The following KCNH1 variants were observed in gnomAD, a reference collection of about 807,000 sequenced individuals.
KCNH1 encodes the protein voltage-gated delayed rectifier potassium channel KCNH1.
A neutral mutation model predicts 69.2 loss-of-function variants in KCNH1; 27 were observed. The ratio of observed to expected loss-of-function variants is 0.39; its 90% CI spans 0.29 to 0.54. The LOEUF (loss-of-function observed/expected upper bound fraction) is 0.54, where lower values mean the gene tolerates loss of function less well. Among genes scored for constraint, KCNH1 ranks in the 20% least tolerant of loss-of-function variants. The probability of loss-of-function intolerance (pLI) is 0.68; values close to 1 mark genes in which losing one functional copy is unlikely to be tolerated. For synonymous variants in KCNH1, 456 were observed against 487.7 expected (o/e 0.93, Z 0.86); for missense variants, 798 against 1,261.6 (o/e 0.63, Z 5.57).
At chr1:210,947,399 C>G (rs58216144) in intron 6 of KCNH1, among the ~76,000 whole-genome samples, 12,107 of 151,762 alleles carry the variant, frequency 0.08, 1,344 homozygotes, top group African/African-American at 0.25. Flanking sequence ...GAAACCCTTT[C>G]TCTACTAAAA....
intron 6 of KCNH1, among the ~76,000 whole-genome samples, chr1:210,951,907 C>G (rs971634383): frequency 5.9e-5 from 9 of 152,102 alleles, no homozygotes; most frequent in African/African-American, 2.2e-4. Context: ...CATGCAAAAG[C>G]CTTTCTTCTT....
At chr1:211,033,474 T>C (rs1009392244) in intron 5 of KCNH1, among the ~76,000 whole-genome samples, 28 of 152,344 alleles carry the variant, frequency 1.8e-4, no homozygotes, top group Admixed American at 1.7e-3. Context: ...CATATGTTTA[T>C]TGTGGCACTA....
chr1:211,104,620 AGGAGGG>A (rs1691320718), intron 2 of KCNH1, among the ~76,000 whole-genome samples: 1 of 152,152 alleles, frequency 6.6e-6, no homozygotes, highest in Non-Finnish European at 1.5e-5. Context: ...AAAATGCCAG[AGGAGGG>A]GGAAAAAAAC....
At chr1:210,946,444 C>T (rs575125986) in intron 6 of KCNH1, among the ~76,000 whole-genome samples, 1 of 152,298 alleles carries the variant, frequency 6.6e-6, no homozygotes, top group African/African-American at 2.4e-5. Flanking sequence ...GCAACAAAAA[C>T]TAGGGCGCTT....
intron 7 of KCNH1, among the ~76,000 whole-genome samples, chr1:210,904,302 A>G (rs1028033218): frequency 3.3e-5 from 5 of 152,280 alleles, no homozygotes; most frequent in Middle Eastern, 3.4e-3. Flanking sequence ...CCTCCACACC[A>G]TGTAGAAGAA....
At chr1:210,793,727 G>T (rs1684254096) in intron 9 of KCNH1, among the ~76,000 whole-genome samples, 1 of 152,174 alleles carries the variant, frequency 6.6e-6, no homozygotes, top group South Asian at 2.1e-4. Context: ...AATGAGCTCT[G>T]GCGTTTTTTT....
chr1:211,048,844 A>T (rs937387348), intron 5 of KCNH1, among the ~76,000 whole-genome samples: 22 of 152,208 alleles, frequency 1.4e-4, no homozygotes, highest in Non-Finnish European at 2.6e-4. Flanking sequence ...ATTGAAATTT[A>T]AAAAACTAAT....
At chr1:210,738,403 A>C (rs866909448) in intron 10 of KCNH1, among the ~76,000 whole-genome samples, 1 of 152,144 alleles carries the variant, frequency 6.6e-6, no homozygotes, top group African/African-American at 2.4e-5. Flanking sequence ...AAATGTAGCT[A>C]AAGCTGGGCA....
At chr1:210,806,551 T>G (rs1408765380) in intron 7 of KCNH1, among the ~76,000 whole-genome samples, 1 of 152,056 alleles carries the variant, frequency 6.6e-6, no homozygotes, top group African/African-American at 2.4e-5. Flanking sequence ...TTAGCTTTGA[T>G]GTAGCTCATT....
At chr1:210,876,663 A>G (rs902491453) in intron 7 of KCNH1, among the ~76,000 whole-genome samples, 7 of 152,130 alleles carry the variant, frequency 4.6e-5, no homozygotes, top group African/African-American at 1.7e-4. Flanking sequence ...CTTGAGAGGC[A>G]TTGAAAATGG....
At chr1:210,735,842 G>GAA (rs1012583500) in intron 10 of KCNH1, among the ~76,000 whole-genome samples, 2 of 151,528 alleles carry the variant, frequency 1.3e-5, no homozygotes, top group Admixed American at 1.3e-4. Context: ...GAGAGAGAGA[G>GAA]CGCACAAGAG....
At chr1:210,939,286 C>T (rs1386987991) in intron 6 of KCNH1, among the ~76,000 whole-genome samples, 2 of 152,004 alleles carry the variant, frequency 1.3e-5, no homozygotes, top group Non-Finnish European at 2.9e-5. Flanking sequence ...AAAAGTAATG[C>T]TTTGTTATAT....
chr1:211,032,421 C>G (rs1689805676), intron 5 of KCNH1, among the ~76,000 whole-genome samples: 2 of 152,236 alleles, frequency 1.3e-5, no homozygotes, highest in South Asian at 2.1e-4. Context: ...CTTTAAAGTT[C>G]ATATGGAACC....
At position 210,851,767 on chromosome 1, in the gene KCNH1, G is replaced by A. The variant is rs116497294; in HGVS notation, c.1463-47601C>T. On this transcript the variant is annotated intron_variant, in intron 7 of 10. Transcript: ENST00000271751. Reference sequence around the variant, plus strand: ...TGCTGTAAGCTATAATAACACGATGGTAAGTATCTGGGTATCTACAAATAC... The same window carrying A: ...TGCTGTAAGCTATAATAACACGATGATAAGTATCTGGGTATCTACAAATAC... Among the ~76,000 whole-genome samples, 883 of 152,288 alleles carry A rather than the reference G, an allele frequency of 5.8e-3. 4 individuals carry two copies. Among genetic ancestry groups the A allele is most frequent in the Middle Eastern group, 0.01 (3 of 294 alleles).
At position 211,134,133 on chromosome 1, in the gene KCNH1, G is replaced by A; in HGVS notation, c.-188C>T. On this transcript the variant is annotated 5_prime_UTR_variant, in exon 1 of 11. Coordinates refer to ENST00000271751, the MANE Select transcript of KCNH1 (RefSeq NM_172362.3). This position sits in a 1 kb window ranked among gnomAD's most constrained non-coding sequence, Gnocchi z 5.7. ...CCCTCTTCGCGCCTCCCTCCCTGCG[G>A]CCCGCCTCGCAGTGCACTCGCGCCG... 2.1e-6 allele frequency: 1 copy of A among 480,450 alleles called. No individual in the cohort carries two copies. The highest frequency in any genetic ancestry group is 3.7e-6 in the Non-Finnish European group (1 of 273,610). 29.8% of individuals were successfully genotyped at this position (480,450 alleles called of 1,614,324 possible).
At chr1:211,063,599 G>T (rs571840686) in intron 5 of KCNH1, 1 of 152,088 alleles carries the variant, frequency 6.6e-6, no homozygotes, top group Non-Finnish European at 1.5e-5. Context: ...AAATTAGCCC[G>T]GTGTAGCAGC....
At chr1:211,025,272 G>A (rs2102418379) in intron 5 of KCNH1, among the ~76,000 whole-genome samples, 1 of 152,258 alleles carries the variant, frequency 6.6e-6, no homozygotes, top group Non-Finnish European at 1.5e-5. Flanking sequence ...AGACCCTTTA[G>A]TAGAGGTAAG....
chr1:210,868,172 G>A (rs1347305727), intron 7 of KCNH1, among the ~76,000 whole-genome samples: 1 of 152,012 alleles, frequency 6.6e-6, no homozygotes, highest in East Asian at 1.9e-4. Flanking sequence ...GGTATCTCAT[G>A]TAGTTTTCAA....
intron 6 of KCNH1, among the ~76,000 whole-genome samples, chr1:210,946,168 G>A (rs1360538283): frequency 2.6e-5 from 4 of 152,150 alleles, no homozygotes; most frequent in African/African-American, 4.8e-5. Context: ...CAGAGGAATC[G>A]CATCATGAAG....
Sources: allele counts gnomAD v4.1 joint callset (sites outside exome capture counted in the v4.1 genomes callset), GRCh38; gene constraint gnomAD v4.1.1; non-coding constraint Gnocchi (gnomAD v3.1); transcripts MANE v1.5; gene names NCBI Gene and HGNC (gene_info 2026-07-23, HGNC 2026-07-21).